The following ICA1 variants were observed in gnomAD, a reference collection of about 807,000 sequenced individuals.
The protein encoded by ICA1 is islet cell autoantigen 1.
ICA1 carries 40 observed loss-of-function variants against 71.0 expected under a neutral mutation model. The ratio of observed to expected loss-of-function variants is 0.56; its 90% CI spans 0.44 to 0.73. The LOEUF is 0.73. Among genes scored for constraint, ICA1 ranks in the 30% least tolerant of loss-of-function variants. The pLI is 0.00. For missense variants in ICA1, 578 were observed against 576.5 expected (o/e 1.00, Z -0.03); for synonymous variants, 207 against 209.5 (o/e 0.99, Z 0.10).
rs1030023254 is a variant in ICA1, at chr7:8,262,146, G to C, written c.-132C>G. The C allele has an allele frequency of 2.0e-5, 3 of 152,168 alleles. No individual in the cohort carries two copies. The highest frequency in any genetic ancestry group is 2.0e-4 in the Admixed American group (3 of 15,278). 9.4% of individuals were successfully genotyped at this position (152,168 alleles called of 1,614,324 possible). A position where few individuals can be genotyped will look rare whatever the true frequency, so the allele number is the denominator to read the frequency against. On this transcript the variant is annotated 5_prime_UTR_variant, in exon 1 of 14. Transcript: ENST00000402384. ...CCGGCCGCGGTCGGAGCGTCCCTCC[G>C]GATCACTCATCCGACGTCAGCGTCA...
At chr7:8,115,379 A>C (rs1784472544) in intron 13 of ICA1, among the ~76,000 whole-genome samples, 1 of 151,882 alleles carries the variant, frequency 6.6e-6, no homozygotes, top group South Asian at 2.1e-4. Context: ...GCCTAAAAAA[A>C]GGCAATACTG....
In ICA1 at chr7:8,234,619, C is replaced by T. The variant is rs1190432761; in HGVS notation, c.17+1291G>A. ...ATTCTTAAAAAGCCAGAAGGCATTT[C>T]TGATGACTTCCTTAACAATGGTTAT... On this transcript the variant is annotated intron_variant, in intron 2 of 13. Transcript: ENST00000402384. The surrounding 1 kb of genome is among the most constrained non-coding windows in gnomAD (Gnocchi z 4.5). Among the ~76,000 whole-genome samples the T allele has an allele frequency of 2.0e-5, 3 of 152,228 alleles. No individual in the cohort carries two copies. The highest frequency in any genetic ancestry group is 2.9e-5 in the Non-Finnish European group (2 of 68,036).
At chr7:8,168,355 A>T (rs1412380551) in intron 6 of ICA1, among the ~76,000 whole-genome samples, 2 of 152,154 alleles carry the variant, frequency 1.3e-5, no homozygotes, top group African/African-American at 4.8e-5. Flanking sequence ...ATTACATGCC[A>T]TAACATTTGT....
intron 1 of ICA1, among the ~76,000 whole-genome samples, chr7:8,239,532 C>G (rs1803028043): frequency 6.6e-6 from 1 of 152,204 alleles, no homozygotes; most frequent in Non-Finnish European, 1.5e-5. Flanking sequence ...CCTGGTTCAT[C>G]TCATTGGGAC....
chr7:8,148,274 T>C (rs753067450), intron 8 of ICA1, among the ~76,000 whole-genome samples: 3 of 152,244 alleles, frequency 2.0e-5, no homozygotes, highest in Admixed American at 6.5e-5. Context: ...GTGATTGAAC[T>C]GCCTGGTGGC....
rs1033704755 is a variant in ICA1 at position 8,223,911 on chromosome 7, G to C, written c.257-2513C>G. On this transcript the variant is annotated intron_variant, in intron 4 of 13. Transcript: ENST00000402384. The surrounding 1 kb of genome is among the most constrained non-coding windows in gnomAD (Gnocchi z 4.1). ...TTTTCAGATGTGCCGTTAAAAACAA[G>C]GCAACTATGGAACTATGAAATTAAT... Among the ~76,000 whole-genome samples, 1 of 152,114 alleles carries C rather than the reference G, an allele frequency of 6.6e-6. No homozygotes were observed. Among genetic ancestry groups the C allele is most frequent in the Non-Finnish European group, 1.5e-5 (1 of 68,024 alleles).
At chr7:8,163,735 TGGA>T (rs1351464159) in intron 6 of ICA1, among the ~76,000 whole-genome samples, 4 of 152,014 alleles carry the variant, frequency 2.6e-5, no homozygotes, top group Non-Finnish European at 5.9e-5. Flanking sequence ...GGTTGTGGGG[TGGA>T]GGACAATAAA....
chr7:8,149,445 T>C (rs1235273486), intron 8 of ICA1, among the ~76,000 whole-genome samples: 1 of 152,218 alleles, frequency 6.6e-6, no homozygotes, highest in Non-Finnish European at 1.5e-5. Flanking sequence ...CACACAGTAG[T>C]ATGTAAGATC....
At chr7:8,177,141 A>G (rs1780867909) in intron 6 of ICA1, among the ~76,000 whole-genome samples, 1 of 152,180 alleles carries the variant, frequency 6.6e-6, no homozygotes, top group African/African-American at 2.4e-5. Context: ...ATTACCCACT[A>G]TGTAATTACA....
At chr7:8,241,416 G>C (rs1018912701) in intron 1 of ICA1, among the ~76,000 whole-genome samples, 6 of 152,168 alleles carry the variant, frequency 3.9e-5, no homozygotes, top group African/African-American at 1.4e-4. Flanking sequence ...CCTGAAGGAA[G>C]CACTAAACAT....
intron 6 of ICA1, among the ~76,000 whole-genome samples, chr7:8,209,923 AG>A (rs1323895675): frequency 6.6e-6 from 1 of 152,178 alleles, no homozygotes; most frequent in African/African-American, 2.4e-5. Context: ...TGTGTGTGGC[AG>A]CAGCAGGGAA....
chr7:8,198,636 C>A (rs1431727720), intron 6 of ICA1, among the ~76,000 whole-genome samples: 1 of 152,124 alleles, frequency 6.6e-6, no homozygotes, highest in African/African-American at 2.4e-5. Context: ...AGATGACAGA[C>A]TTAAGAAGAC....
intron 6 of ICA1, among the ~76,000 whole-genome samples, chr7:8,176,756 C>G (rs1290630952): frequency 6.6e-6 from 1 of 152,216 alleles, no homozygotes; most frequent in African/African-American, 2.4e-5. Context: ...CTTACCACCA[C>G]CACCACCACT....
chr7:8,221,471 T>G, intron 4 of ICA1, 73 bp from the exon 5 acceptor site: 2 of 1,536,794 alleles, frequency 1.3e-6, no homozygotes. Flanking sequence ...GAAAGACAAA[T>G]CACAAGGTCC....
At chr7:8,184,261 G>A (rs549554798) in intron 6 of ICA1, among the ~76,000 whole-genome samples, 2 of 152,292 alleles carry the variant, frequency 1.3e-5, no homozygotes, top group Admixed American at 6.5e-5. Flanking sequence ...TTTTGTCTCT[G>A]TAGAGTAATA....
chr7:8,192,341 G>C (rs1785960532), intron 6 of ICA1, among the ~76,000 whole-genome samples: 1 of 152,032 alleles, frequency 6.6e-6, no homozygotes, highest in African/African-American at 2.4e-5. Context: ...CCACATTTTG[G>C]GTTGTCTGAT....
At chr7:8,208,386 T>C (rs1270683991) in intron 6 of ICA1, among the ~76,000 whole-genome samples, 8 of 148,966 alleles carry the variant, frequency 5.4e-5, no homozygotes, top group South Asian at 2.2e-4. Flanking sequence ...CTATTTTGTA[T>C]ATGTAAGTAA....
At chr7:8,122,489 T>C (rs576439287) in intron 13 of ICA1, among the ~76,000 whole-genome samples, 1 of 152,392 alleles carries the variant, frequency 6.6e-6, no homozygotes, top group South Asian at 2.1e-4. Context: ...GACCTGCAAA[T>C]GCTCCTCAGC....
rs115548796 is a variant in ICA1 at position 8,219,462 on chromosome 7, G to A, written c.381-959C>T. ...TCAACGTCTGCAATGCCTTACGTGC[G>A]TGTAGCACGGTAAGATTACAAATGG... On this transcript the variant is annotated intron_variant, in intron 5 of 13. Coordinates refer to ENST00000402384, the MANE Select transcript of ICA1 (RefSeq NM_001136020.3). Among the ~76,000 whole-genome samples the A allele has an allele frequency of 6.7e-3, 1,021 of 152,338 alleles. 15 individuals carry two copies. Among genetic ancestry groups the A allele is most frequent in the African/African-American group, 0.023 (941 of 41,564 alleles).
Sources: allele counts gnomAD v4.1 joint callset (sites outside exome capture counted in the v4.1 genomes callset), GRCh38; gene constraint gnomAD v4.1.1; non-coding constraint Gnocchi (gnomAD v3.1); transcripts MANE v1.5; gene names NCBI Gene and HGNC (gene_info 2026-07-23, HGNC 2026-07-21).